Variants in FHIT observed in about 807,000 individuals in gnomAD.
FHIT encodes the protein bis(5'-adenosyl)-triphosphatase.
FHIT carries 19 observed loss-of-function variants against 17.9 expected under a neutral mutation model. The ratio of observed to expected loss-of-function variants is 1.06; its 90% confidence interval spans 0.74 to 1.56. FHIT has a LOEUF of 1.56. Ranked by LOEUF, FHIT falls within the 40% of genes most tolerant of loss-of-function variation. The probability of loss-of-function intolerance (pLI) is 0.00; values close to 1 mark genes in which losing one functional copy is unlikely to be tolerated. For missense variants in FHIT, 248 were observed against 189.2 expected (o/e 1.31, Z -1.82); for synonymous variants, 81 against 69.7 (o/e 1.16, Z -0.81).
intron 4 of FHIT, among the ~76,000 whole-genome samples, chr3:60,691,389 T>C (rs182553427): frequency 6.6e-6 from 1 of 151,858 alleles, no homozygotes; most frequent in Admixed American, 6.6e-5. Context: ...TTTTTTTTTC[T>C]TGAGACAGGG....
chr3:60,530,966 G>T (rs1176247493), intron 5 of FHIT, among the ~76,000 whole-genome samples: 2 of 152,186 alleles, frequency 1.3e-5, no homozygotes, highest in Admixed American at 6.5e-5. Context: ...GTAGGAAAAA[G>T]AAAGGTCCAA....
chr3:60,964,168 C>T (rs764454114), intron 3 of FHIT, among the ~76,000 whole-genome samples: 2 of 152,008 alleles, frequency 1.3e-5, no homozygotes, highest in Non-Finnish European at 2.9e-5. Flanking sequence ...TTGAATTGAT[C>T]CCTTTACCAT....
intron 5 of FHIT, among the ~76,000 whole-genome samples, chr3:60,144,444 T>C (rs1700156251): frequency 6.6e-6 from 1 of 152,198 alleles, no homozygotes; most frequent in South Asian, 2.1e-4. Context: ...TTCTGGAGCT[T>C]GGAGAGACTG....
intron 5 of FHIT, among the ~76,000 whole-genome samples, chr3:60,149,736 G>T (rs964449056): frequency 6.6e-6 from 1 of 152,002 alleles, no homozygotes; most frequent in Admixed American, 6.6e-5. Flanking sequence ...TGAAGAATGT[G>T]CCTCAGGCCA....
intron 2 of FHIT, among the ~76,000 whole-genome samples, chr3:61,106,277 T>C (rs2106871322): frequency 6.6e-6 from 1 of 152,320 alleles, no homozygotes; most frequent in African/African-American, 2.4e-5. Context: ...AATTATCATG[T>C]CCATTACTGC....
At chr3:59,838,110 C>T (rs1446333175) in intron 8 of FHIT, among the ~76,000 whole-genome samples, 1 of 152,138 alleles carries the variant, frequency 6.6e-6, no homozygotes, top group Non-Finnish European at 1.5e-5. Flanking sequence ...TGTCCCACTC[C>T]TGCTTTTGAA....
At chr3:61,133,182 A>G (rs1474857136) in intron 2 of FHIT, among the ~76,000 whole-genome samples, 3 of 152,202 alleles carry the variant, frequency 2.0e-5, no homozygotes, top group Non-Finnish European at 4.4e-5. Flanking sequence ...AGCACATTGG[A>G]CTTTTCCTCC....
chr3:60,770,473 T>C (rs896015971), intron 4 of FHIT, among the ~76,000 whole-genome samples: 23 of 152,076 alleles, frequency 1.5e-4, no homozygotes, highest in Non-Finnish European at 2.4e-4. Flanking sequence ...CGGTCTGCCC[T>C]CCTCTTCTCA....
chr3:61,021,665 C>G (rs1222797212), intron 3 of FHIT, among the ~76,000 whole-genome samples: 2 of 147,744 alleles, frequency 1.4e-5, no homozygotes, highest in African/African-American at 5.0e-5. Flanking sequence ...AAAGTGCAAT[C>G]AAATTAGAAC....
rs118154455 is a variant in FHIT, at chr3:60,595,703, G to A, written c.-17-58724C>T. On this transcript the variant is annotated intron_variant, in intron 4 of 9. Transcript: ENST00000492590. ...TGTCACTCCTGTTGCCAGTGCCGTC[G>A]TGCAGTTATAGCTCACTGAAGCCTC... is the stretch of plus-strand genomic sequence containing the variant. Among the ~76,000 whole-genome samples, 235 of 151,880 alleles carry A rather than the reference G, an allele frequency of 1.5e-3. 3 individuals carry two copies. The East Asian group carries it at 0.037, about 24-fold the overall frequency.
intron 5 of FHIT, among the ~76,000 whole-genome samples, chr3:60,470,070 C>CTCTCTCTCTCTCTCTCTCTCTT (rs1559940721): frequency 6.6e-6 from 1 of 151,428 alleles, no homozygotes; most frequent in African/African-American, 2.4e-5. Context: ...CTCTCTCTCT[C>CTCTCTCTCTCTCTCTCTCTCTT]TCTCTCTCTC....
chr3:59,868,826 T>TGAA (rs997706635), intron 8 of FHIT, among the ~76,000 whole-genome samples: 4 of 152,136 alleles, frequency 2.6e-5, no homozygotes, highest in Admixed American at 1.3e-4. Flanking sequence ...GAGCCCACAT[T>TGAA]GAAGAAGGAG....
intron 2 of FHIT, among the ~76,000 whole-genome samples, chr3:61,094,341 T>C (rs552612110): frequency 3.3e-5 from 5 of 152,338 alleles, no homozygotes; most frequent in Admixed American, 2.6e-4. Context: ...TTACTGTCTG[T>C]GCAACCTTGC....
rs143878555 is a variant in FHIT at position 59,950,793 on chromosome 3, C to G, written c.280-28379G>C. Among the ~76,000 whole-genome samples the G allele has an allele frequency of 4.7e-4, 72 of 152,270 alleles. 1 individual carries two copies. Among genetic ancestry groups the G allele is most frequent in the African/African-American group, 1.7e-3 (69 of 41,558 alleles). ...TTATTCTACACAACTTTGGAAAACA[C>G]CTCTGAATCCAACGTTGAGAGCCAT... is the stretch of plus-strand genomic sequence containing the variant. On this transcript the variant is annotated intron_variant, in intron 7 of 9. Coordinates refer to ENST00000492590, the MANE Select transcript of FHIT (RefSeq NM_002012.4).
chr3:59,806,945 A>G (rs1209682565), intron 8 of FHIT, among the ~76,000 whole-genome samples: 2 of 152,158 alleles, frequency 1.3e-5, no homozygotes, highest in Non-Finnish European at 2.9e-5. Flanking sequence ...CTCAGCTCAG[A>G]CAGTTCCAGA....
chr3:60,009,594 GCTCA>G (rs903669468), intron 7 of FHIT, among the ~76,000 whole-genome samples: 3 of 151,738 alleles, frequency 2.0e-5, no homozygotes, highest in African/African-American at 7.3e-5. Flanking sequence ...GCCCAGCTAG[GCTCA>G]CTGCTTATTT....
intron 3 of FHIT, among the ~76,000 whole-genome samples, chr3:60,893,691 TA>T (rs1553761220): frequency 6.6e-6 from 1 of 152,174 alleles, no homozygotes; most frequent in Admixed American, 6.5e-5. Flanking sequence ...AAGCCATCCT[TA>T]ATGCCTAATG....
chr3:61,081,155 C>G (rs953797118), intron 2 of FHIT, among the ~76,000 whole-genome samples: 4 of 152,156 alleles, frequency 2.6e-5, no homozygotes, highest in Admixed American at 6.5e-5. Flanking sequence ...AGTAGCCCTG[C>G]TTCCTTGTTC....
intron 8 of FHIT, among the ~76,000 whole-genome samples, chr3:59,870,893 A>G (rs995611273): frequency 1.5e-4 from 17 of 110,316 alleles, no homozygotes; most frequent in Middle Eastern, 4.8e-3. Context: ...GTGTGTGTGT[A>G]TTTAACCTCT....
Sources: allele counts gnomAD v4.1 joint callset (sites outside exome capture counted in the v4.1 genomes callset), GRCh38; gene constraint gnomAD v4.1.1; transcripts MANE v1.5; gene names NCBI Gene and HGNC (gene_info 2026-07-23, HGNC 2026-07-21).